FADS6: variants seen among roughly 807,000 people sequenced by gnomAD.
FADS6 encodes the protein fatty acid desaturase 6, also known as fatty acid desaturase domain family, member 6.
FADS6 carries 28 observed loss-of-function variants against 31.7 expected under a neutral mutation model. The observed-to-expected ratio is 0.88, with a 90% CI of 0.66 to 1.21. The LOEUF is 1.21. FADS6 is among the 50% of genes most tolerant of loss of function. The pLI is 0.00. For missense variants in FADS6, 494 were observed against 504.2 expected (o/e 0.98, Z 0.19); for synonymous variants, 191 against 213.1 (o/e 0.90, Z 0.90).
downstream of FADS6, among the ~76,000 whole-genome samples, chr17:74,874,831 C>G (rs992711531): frequency 1.3e-5 from 2 of 152,192 alleles, no homozygotes; most frequent in East Asian, 3.8e-4. Flanking sequence ...ATGCTTACTT[C>G]TTTACATATT....
intron 2 of FADS6, among the ~76,000 whole-genome samples, chr17:74,890,377 C>T (rs887400662): frequency 1.3e-5 from 2 of 152,168 alleles, no homozygotes; most frequent in South Asian, 4.1e-4. Flanking sequence ...ACTGGACCCT[C>T]CCCAGAGGGT....
intron 2 of FADS6, among the ~76,000 whole-genome samples, chr17:74,888,165 C>CGG (rs1227042828): frequency 1.5e-4 from 21 of 139,920 alleles, no homozygotes; most frequent in Middle Eastern, 7.8e-3. Flanking sequence ...CGCGCGCGCG[C>CGG]GCGCGCGCAG....
intron 2 of FADS6, among the ~76,000 whole-genome samples, chr17:74,886,276 C>A (rs1352020150): frequency 1.9e-4 from 27 of 145,628 alleles, no homozygotes; most frequent in African/African-American, 6.6e-4. Context: ...ACCAGCCTGG[C>A]CAACATGGGG....
chr17:74,877,113 C>A (rs1332536428), downstream of FADS6, among the ~76,000 whole-genome samples: 1 of 152,108 alleles, frequency 6.6e-6, no homozygotes, highest in Non-Finnish European at 1.5e-5. Context: ...CTTCTATCTG[C>A]ACCCCACCCT....
intron 3 of FADS6, among the ~76,000 whole-genome samples, 153 bp downstream of exon 3, chr17:74,882,377 A>T (rs933951190): frequency 5.9e-5 from 9 of 152,246 alleles, no homozygotes; most frequent in Admixed American, 5.9e-4. Context: ...ACTCAGCTCC[A>T]GGTCTGAGGC....
At chr17:74,883,329 T>C (rs1034243148) in intron 2 of FADS6, among the ~76,000 whole-genome samples, 8 of 152,084 alleles carry the variant, frequency 5.3e-5, no homozygotes, top group African/African-American at 1.9e-4. Context: ...CCTAGGAGAG[T>C]AGTCAGTCTG....
downstream of FADS6, among the ~76,000 whole-genome samples, chr17:74,875,131 A>G (rs1598549728): frequency 6.6e-6 from 1 of 152,346 alleles, no homozygotes; most frequent in African/African-American, 2.4e-5. Flanking sequence ...AGAGTCAGAC[A>G]ACATTGGGTC....
intron 4 of FADS6, among the ~76,000 whole-genome samples, chr17:74,879,818 C>T (rs756769457): frequency 6.6e-6 from 1 of 152,200 alleles, no homozygotes; most frequent in Middle Eastern, 3.2e-3. Context: ...TTAGCCTGCA[C>T]ACCTCTCAGG....
intron 5 of FADS6, among the ~76,000 whole-genome samples, chr17:74,878,825 C>T (rs2038534993): frequency 6.6e-6 from 1 of 152,168 alleles, no homozygotes; most frequent in Non-Finnish European, 1.5e-5. Context: ...AGAAGCCCTT[C>T]TACTCCCATT....
At chr17:74,892,390 G>A (rs111420608) in intron 2 of FADS6, 133 bp downstream of exon 2, 43 of 1,109,668 alleles carry the variant, frequency 3.9e-5, no homozygotes, top group Non-Finnish European at 4.6e-5. Flanking sequence ...CCAGTGGACC[G>A]GCATACCATC....
intron 3 of FADS6, 137 bp downstream of exon 3, chr17:74,882,393 C>A (rs530541270): frequency 9.6e-6 from 10 of 1,042,124 alleles, no homozygotes; most frequent in Non-Finnish European, 1.2e-5. Context: ...GAGGCTCTTT[C>A]TACCTTGCCA....
intron 2 of FADS6, among the ~76,000 whole-genome samples, chr17:74,887,942 TC>T (rs1304059393): frequency 6.6e-6 from 1 of 152,186 alleles, no homozygotes; most frequent in Admixed American, 6.5e-5. Flanking sequence ...CTCCTCGGCC[TC>T]CCAAAGTGCT....
downstream of FADS6, among the ~76,000 whole-genome samples, chr17:74,876,780 G>A (rs1456454603): frequency 6.6e-6 from 1 of 152,158 alleles, no homozygotes; most frequent in East Asian, 1.9e-4. Flanking sequence ...CTGGGCGACA[G>A]AGCGAGACTC....
rs2038525212 is a variant in FADS6 at position 74,878,068 on chromosome 17, G to A, written c.*263C>T. 5.4e-6 allele frequency: 7 copies of A among 1,284,992 alleles called. No homozygotes were observed. In the South Asian group the frequency reaches 1.2e-4, roughly 22 times the overall value. 79.6% of individuals were successfully genotyped at this position (1,284,992 alleles called of 1,614,324 possible). On this transcript the variant is annotated 3_prime_UTR_variant, in exon 6 of 6. Coordinates refer to ENST00000612771, the MANE Select transcript of FADS6 (RefSeq NM_178128.6). ...GAAGGACCCAGCTCTTTAGTCCTGA[G>A]ATGAAGTTGCTGAGGTCCAGACTGA... is the stretch of plus-strand genomic sequence containing the variant.
chr17:74,882,617 T>C lies in FADS6; in HGVS notation c.505A>G (p.Thr169Ala), dbSNP rs754572438. The change falls in exon 3 of 6, where the codon ACG (threonine) becomes GCG (alanine). Residue 169 changes from threonine (T) to alanine (A), a missense_variant. Coordinates refer to ENST00000612771, the MANE Select transcript of FADS6 (RefSeq NM_178128.6). Reference protein sequence around the residue: ...TNVVGLGDSSTWRLPCLNRYV... With the variant: ...TNVVGLGDSSAWRLPCLNRYV... ...CGGTTGAGGCAAGGCAGCCTCCACG[T>C]GCTGGAGTCCCCCAGGCCCACCACG... 6.2e-7 allele frequency: 1 copy of C among 1,611,586 alleles called. No individual in the cohort carries two copies. Among genetic ancestry groups the C allele is most frequent in the African/African-American group, 1.3e-5 (1 of 74,896 alleles).
chr17:74,876,441 A>G (rs561869684), downstream of FADS6, among the ~76,000 whole-genome samples: 1 of 152,226 alleles, frequency 6.6e-6, no homozygotes, highest in African/African-American at 2.4e-5. Flanking sequence ...GAAGCCAGTG[A>G]CGCTGCTAAA....
Position 74,893,351 on chromosome 17 carries a change from C to T in FADS6, c.244+1G>A. On this transcript the variant is annotated splice_donor_variant, in intron 1 of 5. Coordinates refer to ENST00000612771, the MANE Select transcript of FADS6 (RefSeq NM_178128.6). LOFTEE classifies it high-confidence loss of function. The stretch of plus-strand genomic sequence containing the variant: ...GGACGCCGGGTCCCCGCGTTCCTCA[C>T]CTGCCGGCAAGGCGAAGAGGCTGAG... 6.6e-7 allele frequency: 1 copy of T among 1,517,060 alleles called. No homozygotes were observed. The highest frequency in any genetic ancestry group is 2.7e-5 in the East Asian group (1 of 37,310). The allele number at this position is 1,517,060 out of a possible 1,614,324, so 94.0% of individuals were successfully genotyped here.
intron 2 of FADS6, among the ~76,000 whole-genome samples, chr17:74,890,748 A>G (rs2038680737): frequency 6.6e-6 from 1 of 152,154 alleles, no homozygotes; most frequent in South Asian, 2.1e-4. Context: ...CTATCTGGGT[A>G]TCTCAAGCGT....
In FADS6 at chr17:74,878,190, T is replaced by C; in HGVS notation, c.*141A>G. 1 of 1,430,994 alleles carries C rather than the reference T, an allele frequency of 7.0e-7. No homozygotes were observed. Among genetic ancestry groups the C allele is most frequent in the Admixed American group, 2.9e-5 (1 of 34,972 alleles). 88.6% of individuals were successfully genotyped at this position (1,430,994 alleles called of 1,614,324 possible). ...TGGCCCCCAGACCCCAGGCCTGAGCTCCCCTGCCCCCCTGCCTGGCCGGTG... is the reference window on the plus strand; with the variant it reads ...TGGCCCCCAGACCCCAGGCCTGAGCCCCCCTGCCCCCCTGCCTGGCCGGTG... On this transcript the variant is annotated 3_prime_UTR_variant, in exon 6 of 6. Coordinates refer to ENST00000612771, the MANE Select transcript of FADS6 (RefSeq NM_178128.6).
Sources: gnomAD v4.1 joint callset for allele counts (sites outside exome capture counted in the v4.1 genomes callset) on GRCh38, gnomAD v4.1.1 for gene constraint, MANE v1.5 for transcripts, NCBI Gene and HGNC (gene_info 2026-07-23, HGNC 2026-07-21) for gene names.